CSNK2A1: variants seen among roughly 807,000 people sequenced by gnomAD.
The protein encoded by CSNK2A1 is casein kinase II subunit alpha.
In CSNK2A1, 10 loss-of-function variants were observed where a neutral mutation model predicts 62.9. The ratio of observed to expected loss-of-function variants is 0.16; its 90% confidence interval spans 0.10 to 0.27. The LOEUF is 0.27. CSNK2A1 is among the 10% of genes least tolerant of loss of function. The probability of loss-of-function intolerance (pLI) is 1.00; values close to 1 mark genes in which losing one functional copy is unlikely to be tolerated. For synonymous variants in CSNK2A1, 124 were observed against 167.8 expected (o/e 0.74, Z 2.02); for missense variants, 160 against 492.0 (o/e 0.33, Z 6.38).
chr20:500,328 T>C lies in CSNK2A1; in HGVS notation c.214-394A>G, dbSNP rs2018434470. The C allele has an allele frequency of 1.6e-5, 3 of 188,816 alleles. No homozygotes were observed. The Admixed American group carries it at 1.7e-4, about 10-fold the overall frequency. The allele number at this position is 188,816 out of a possible 1,614,324, so 11.7% of individuals were successfully genotyped here. On this transcript the variant is annotated intron_variant, in intron 4 of 13. Transcript: ENST00000217244. Reference sequence around the variant, plus strand: ...ATCAATTAGGATGAAACATGGGCCCTTTCCATTTCTTCCTCTAATTAGGGC... The same window carrying C: ...ATCAATTAGGATGAAACATGGGCCCCTTCCATTTCTTCCTCTAATTAGGGC...
rs183118440 is a variant in CSNK2A1, at chr20:517,704, A to T, written c.-109-9044T>A. Among the ~76,000 whole-genome samples the T allele has an allele frequency of 2.0e-3, 298 of 152,332 alleles. 6 individuals are homozygous for T. The highest frequency in any genetic ancestry group is 0.017 in the Admixed American group (255 of 15,304). ...CGTAACACTTTAAAGCAAGTTAAGAATTTTAAAGACCTATAATTTTGCACC... is the reference window on the plus strand; with the variant it reads ...CGTAACACTTTAAAGCAAGTTAAGATTTTTAAAGACCTATAATTTTGCACC... On this transcript the variant is annotated intron_variant, in intron 2 of 13. Coordinates refer to ENST00000217244, the MANE Select transcript of CSNK2A1 (RefSeq NM_177559.3).
At chr20:538,036 A>T (rs1031839056) in intron 1 of CSNK2A1, among the ~76,000 whole-genome samples, 1 of 147,570 alleles carries the variant, frequency 6.8e-6, no homozygotes, top group East Asian at 2.0e-4. Flanking sequence ...ATCTTGACTC[A>T]CTGCAACCAA....
At chr20:532,756 T>C (rs1313252909) in intron 1 of CSNK2A1, among the ~76,000 whole-genome samples, 7 of 152,180 alleles carry the variant, frequency 4.6e-5, no homozygotes, top group Admixed American at 4.6e-4. Flanking sequence ...CAATTCCTCT[T>C]ATTTCAAGAG....
chr20:518,447 A>G (rs1010974162), intron 2 of CSNK2A1, among the ~76,000 whole-genome samples: 1 of 152,242 alleles, frequency 6.6e-6, no homozygotes, highest in Non-Finnish European at 1.5e-5. Flanking sequence ...TGGTCTCTGG[A>G]TTAGTGCCCA....
chr20:486,255 A>T (rs1206229640), intron 13 of CSNK2A1, 121 bp downstream of exon 13: 5 of 1,033,174 alleles, frequency 4.8e-6, no homozygotes, highest in African/African-American at 3.2e-5. Flanking sequence ...AAACCTGGTT[A>T]AAAAAAAGTC....
intron 1 of CSNK2A1, among the ~76,000 whole-genome samples, chr20:535,064 A>T (rs1475795054): frequency 1.5e-5 from 2 of 131,360 alleles, no homozygotes; most frequent in South Asian, 2.8e-4. Flanking sequence ...AAAAAAAAAA[A>T]AATTTCTTCG....
Position 482,275 on chromosome 20 carries a change from T to C in CSNK2A1, c.*1686A>G, listed in dbSNP as rs925831076. ...ATTTTTCCTAGTTCCCACAAGCAGC[T>C]ACTGTAATGAAATAACAGGAGAAAA... On this transcript the variant is annotated 3_prime_UTR_variant, in exon 14 of 14. Coordinates refer to ENST00000217244, the MANE Select transcript of CSNK2A1 (RefSeq NM_177559.3). 11 of 152,232 alleles carry C rather than the reference T, an allele frequency of 7.2e-5. No homozygotes were observed. The highest frequency in any genetic ancestry group is 1.5e-4 in the Non-Finnish European group (10 of 68,044). 9.4% of individuals were successfully genotyped at this position (152,232 alleles called of 1,614,324 possible). A position where few individuals can be genotyped will look rare whatever the true frequency, so the allele number is the denominator to read the frequency against.
intron 2 of CSNK2A1, among the ~76,000 whole-genome samples, chr20:516,830 AT>A (rs2018837645): frequency 6.6e-6 from 1 of 152,086 alleles, no homozygotes; most frequent in South Asian, 2.1e-4. Context: ...TTTAACCCTA[AT>A]GTTTATTAGT....
intron 1 of CSNK2A1, among the ~76,000 whole-genome samples, chr20:535,739 CAA>C (rs11477824): frequency 1.1e-3 from 77 of 70,028 alleles, no homozygotes; most frequent in Middle Eastern, 9.4e-3. Flanking sequence ...GACTCCATCT[CAA>C]AAAAAAAAAA....
rs2018412957 is a variant in CSNK2A1, at chr20:499,410, G to A, written c.316-105C>T. The A allele has an allele frequency of 6.0e-6, 6 of 1,008,312 alleles. No homozygotes were observed. The highest frequency in any genetic ancestry group is 2.4e-5 in the Admixed American group (1 of 42,036). 62.5% of individuals were successfully genotyped at this position (1,008,312 alleles called of 1,614,324 possible). ...TGCGTGGTGAAATTTGGCAGTCCTC[G>A]CCTCAGTAGTAAGAAACCCTCTATT... On this transcript the variant is annotated intron_variant, in intron 5 of 13. Coordinates refer to ENST00000217244, the MANE Select transcript of CSNK2A1 (RefSeq NM_177559.3). This position sits in a 1 kb window ranked among gnomAD's most constrained non-coding sequence, Gnocchi z 4.2.
chr20:529,970 A>G (rs1162913275), intron 1 of CSNK2A1, among the ~76,000 whole-genome samples: 2 of 152,262 alleles, frequency 1.3e-5, no homozygotes, highest in Non-Finnish European at 2.9e-5. Context: ...TTTGGCTCAC[A>G]TATTACTTTT....
chr20:539,154 A>G (rs145842384), intron 1 of CSNK2A1: 55 of 152,380 alleles, frequency 3.6e-4, no homozygotes, highest in African/African-American at 1.3e-3. Flanking sequence ...CCATTGTGTC[A>G]TAACAAATTA....
intron 1 of CSNK2A1, among the ~76,000 whole-genome samples, chr20:535,034 C>CAAAAAAAAAAAAAAAAAAAAAAA (rs11469217): frequency 2.0e-5 from 1 of 50,756 alleles, no homozygotes; most frequent in African/African-American, 8.5e-5. Flanking sequence ...TGCTATCTCC[C>CAAAAAAAAAAAAAAAAAAAAAAA]AAAAAAAAAA....
chr20:489,036 T>C (rs2018160430), intron 10 of CSNK2A1: 3 of 347,804 alleles, frequency 8.6e-6, no homozygotes, highest in Non-Finnish European at 1.6e-5. Context: ...AGATGTCACT[T>C]CTTTTGGGAA....
At chr20:485,186 C>CAT (rs2018071203) in intron 13 of CSNK2A1, among the ~76,000 whole-genome samples, 1 of 128,394 alleles carries the variant, frequency 7.8e-6, no homozygotes, top group African/African-American at 2.9e-5. Context: ...CATGGCTCTG[C>CAT]ATCTCACTTT....
intron 9 of CSNK2A1, among the ~76,000 whole-genome samples, chr20:490,377 A>T (rs1427222999): frequency 4.9e-3 from 177 of 36,084 alleles, no homozygotes; most frequent in South Asian, 6.3e-3. Flanking sequence ...TTTTTCTTTT[A>T]TGCATCTTTC....
chr20:509,080 AAAGCT>A (rs1468591099), intron 2 of CSNK2A1, among the ~76,000 whole-genome samples: 7 of 152,250 alleles, frequency 4.6e-5, no homozygotes, highest in African/African-American at 1.7e-4. Flanking sequence ...GAATGGCGGC[AAAGCT>A]AAGAGTACAA....
intron 1 of CSNK2A1, among the ~76,000 whole-genome samples, chr20:541,533 G>T (rs1187748652): frequency 5.3e-5 from 8 of 152,172 alleles, no homozygotes; most frequent in African/African-American, 1.9e-4. Flanking sequence ...ACACAAAGAT[G>T]TATGTTCAGA....
chr20:487,787 C>G, intron 11 of CSNK2A1: 1 of 613,914 alleles, frequency 1.6e-6, no homozygotes, highest in South Asian at 2.1e-5. Context: ...AAAAAGACAT[C>G]TGAGTCCTCT....
Sources: gnomAD v4.1 joint callset for allele counts (sites outside exome capture counted in the v4.1 genomes callset) on GRCh38, gnomAD v4.1.1 for gene constraint, Gnocchi (gnomAD v3.1) non-coding constraint, MANE v1.5 for transcripts, NCBI Gene and HGNC (gene_info 2026-07-23, HGNC 2026-07-21) for gene names.